PHTF2: variants seen among roughly 807,000 people sequenced by gnomAD.
PHTF2 encodes putative homeodomain transcription factor 2.
Under a neutral mutation model 101.2 loss-of-function variants are expected in PHTF2, and 60 were observed. The observed-to-expected ratio is 0.59, with a 90% CI of 0.48 to 0.73. PHTF2 has a LOEUF of 0.73. PHTF2 is among the 30% of genes least tolerant of loss of function. The pLI, the probability that PHTF2 is intolerant of heterozygous loss-of-function variation, is 0.00. For missense variants in PHTF2, 747 were observed against 908.7 expected, an observed-to-expected ratio of 0.82 and a Z score of 2.29; for synonymous variants, 311 against 307.3, an observed-to-expected ratio of 1.01 and a Z score of -0.13.
intron 1 of PHTF2, among the ~76,000 whole-genome samples, chr7:77,803,746 T>G (rs1047746216): frequency 3.2e-4 from 49 of 150,976 alleles, no homozygotes; most frequent in Non-Finnish European, 7.4e-5. Flanking sequence ...AATAACAATT[T>G]CCAGATAGAA....
chr7:77,922,767 TA>T lies in PHTF2; in HGVS notation c.1109del (p.Tyr370SerfsTer66). On this transcript the variant is annotated frameshift_variant, in exon 11 of 20. Coordinates refer to ENST00000416283, the Ensembl canonical transcript of PHTF2. LOFTEE classifies it high-confidence loss of function. ...AAAGTCACACCATTATAAGAAACAT[TA>T]CCCTAATGAGGTATATACTTTGTCC... is the stretch of plus-strand genomic sequence containing the variant. 1 of 1,592,892 alleles carries T rather than the reference TA, an allele frequency of 6.3e-7. No individual in the cohort carries two copies. The highest frequency in any genetic ancestry group is 8.6e-7 in the Non-Finnish European group (1 of 1,166,748).
chr7:77,923,122 C>CA, intron 11 of PHTF2: 1 of 999,002 alleles, frequency 1.0e-6, no homozygotes, highest in Non-Finnish European at 1.2e-6. Flanking sequence ...TTGATCATAG[C>CA]AAAGTTATTT....
rs749820682 is a variant in PHTF2, at chr7:77,884,662, C to T, written c.148-8946C>T. On this transcript the variant is annotated intron_variant, in intron 3 of 19. Transcript: ENST00000416283. Reference sequence around the variant, plus strand: ...CTGTAATTTCAGCACTCTGGTAGGCCGAGGCAGGTGGATCACTTGAGGTCA... The same window carrying T: ...CTGTAATTTCAGCACTCTGGTAGGCTGAGGCAGGTGGATCACTTGAGGTCA... 7.4e-4 allele frequency among the ~76,000 whole-genome samples: 113 copies of T among 152,030 alleles called. 1 individual carries two copies. The highest frequency in any genetic ancestry group is 8.4e-4 in the Non-Finnish European group (57 of 68,022).
chr7:77,838,349 C>G lies in PHTF2; in HGVS notation c.-35-1872C>G, dbSNP rs894126782. Among the ~76,000 whole-genome samples the G allele has an allele frequency of 3.5e-4, 53 of 152,196 alleles. 1 individual carries two copies. Among genetic ancestry groups the G allele is most frequent in the Admixed American group, 2.2e-3 (33 of 15,270 alleles). Reference sequence around the variant, plus strand: ...ATTAAGTGGAGGTGAACTTTGAAATCTGTAAATAATCCATGTGTATGTAAT... The same window carrying G: ...ATTAAGTGGAGGTGAACTTTGAAATGTGTAAATAATCCATGTGTATGTAAT... On this transcript the variant is annotated intron_variant, in intron 1 of 19. Transcript: ENST00000416283.
intron 2 of PHTF2, among the ~76,000 whole-genome samples, chr7:77,853,035 T>C (rs1338262045): frequency 6.6e-6 from 1 of 152,182 alleles, no homozygotes; most frequent in East Asian, 1.9e-4. Context: ...AGGAGTTTGA[T>C]TATTAAATGC....
intron 16 of PHTF2, among the ~76,000 whole-genome samples, chr7:77,945,777 G>C (rs1414006610): frequency 6.6e-6 from 1 of 152,062 alleles, no homozygotes; most frequent in Non-Finnish European, 1.5e-5. Context: ...GACTCAAAAA[G>C]TAATTGAAAA....
At chr7:77,833,103 G>T (rs532605517) in intron 1 of PHTF2, among the ~76,000 whole-genome samples, 1 of 152,132 alleles carries the variant, frequency 6.6e-6, no homozygotes, top group Non-Finnish European at 1.5e-5. Context: ...GCAAAGCCTT[G>T]GATAAAGGGA....
At chr7:77,930,957 G>A (rs951292158) in intron 12 of PHTF2, among the ~76,000 whole-genome samples, 1 of 152,168 alleles carries the variant, frequency 6.6e-6, no homozygotes, top group Non-Finnish European at 1.5e-5. Context: ...AGATAGTATA[G>A]TATAGACATA....
intron 1 of PHTF2, among the ~76,000 whole-genome samples, chr7:77,820,553 C>G (rs548125445): frequency 6.6e-6 from 1 of 151,304 alleles, no homozygotes; most frequent in Non-Finnish European, 1.5e-5. Context: ...TTTGTGTATA[C>G]GTATATTAGA....
At position 77,942,182 on chromosome 7, in the gene PHTF2, G is replaced by A. The variant is rs180701689; in HGVS notation, c.1873-518G>A. Among the ~76,000 whole-genome samples, 271 of 152,170 alleles carry A rather than the reference G, an allele frequency of 1.8e-3. 2 individuals carry two copies. The highest frequency in any genetic ancestry group is 6.1e-3 in the African/African-American group (252 of 41,496). On this transcript the variant is annotated intron_variant, in intron 15 of 19. Coordinates refer to ENST00000416283, the Ensembl canonical transcript of PHTF2. ...TCCTTAGGGAGATCTTCACAGGCCC[G>A]CACTCCTAACCCTCAAATCTAAATG... is the stretch of plus-strand genomic sequence containing the variant.
chr7:77,861,201 T>C (rs1341251388), intron 3 of PHTF2, among the ~76,000 whole-genome samples: 1 of 152,166 alleles, frequency 6.6e-6, no homozygotes, highest in Non-Finnish European at 1.5e-5. Context: ...AATTTTTTCC[T>C]TAGGGTGTGT....
chr7:77,933,706 C>A (rs114775717), intron 12 of PHTF2, among the ~76,000 whole-genome samples: 117 of 144,752 alleles, frequency 8.1e-4, no homozygotes, highest in African/African-American at 3.1e-3. Flanking sequence ...AAGCAGGGAC[C>A]ATGTGTTTTT....
chr7:77,926,723 C>A (rs1015698260), intron 11 of PHTF2, among the ~76,000 whole-genome samples: 2 of 152,052 alleles, frequency 1.3e-5, no homozygotes, highest in African/African-American at 2.4e-5. Context: ...AATCCCAGCA[C>A]TTTGGGAGGC....
At chr7:77,799,695 C>A (rs1232740865) in intron 1 of PHTF2, among the ~76,000 whole-genome samples, 1 of 152,218 alleles carries the variant, frequency 6.6e-6, no homozygotes, top group Non-Finnish European at 1.5e-5. Context: ...CTCAGCACCT[C>A]CTTGTGTAAC....
At chr7:77,903,627 C>T (rs749942557) in intron 7 of PHTF2, among the ~76,000 whole-genome samples, 3 of 152,162 alleles carry the variant, frequency 2.0e-5, no homozygotes, top group Non-Finnish European at 4.4e-5. Context: ...GTTCAGAATC[C>T]AAGTTTAATC....
At chr7:77,871,947 G>T (rs1175979165) in intron 3 of PHTF2, among the ~76,000 whole-genome samples, 1 of 152,218 alleles carries the variant, frequency 6.6e-6, no homozygotes. Context: ...CCCATATCTG[G>T]AGTAAGGGTT....
intron 1 of PHTF2, among the ~76,000 whole-genome samples, chr7:77,813,500 G>T (rs1793608113): frequency 6.6e-6 from 1 of 152,218 alleles, no homozygotes. Context: ...AGAGGAGATG[G>T]AGAAGTGGGA....
At chr7:77,922,948 T>G (rs1351766183) in intron 11 of PHTF2, 170 bp downstream of exon 10, 1 of 1,354,452 alleles carries the variant, frequency 7.4e-7, no homozygotes, top group Admixed American at 3.2e-5. Flanking sequence ...GGTTTACGTA[T>G]TGCACATGTA....
chr7:77,945,563 AC>A (rs1004940987), intron 16 of PHTF2, among the ~76,000 whole-genome samples: 1 of 152,082 alleles, frequency 6.6e-6, no homozygotes, highest in Admixed American at 6.6e-5. Flanking sequence ...AATGATAGCA[AC>A]AAAAAAATCT....
Sources: allele counts gnomAD v4.1 joint callset (sites outside exome capture counted in the v4.1 genomes callset), GRCh38; gene constraint gnomAD v4.1.1; transcripts MANE v1.5; gene names NCBI Gene and HGNC (gene_info 2026-07-23, HGNC 2026-07-21).